The following TPH1 variants were observed in gnomAD, a reference collection of about 807,000 sequenced individuals.
The protein encoded by TPH1 is tryptophan 5-hydroxylase 1.
In TPH1, 37 loss-of-function variants were observed where a neutral mutation model predicts 49.5. That is an observed-to-expected ratio of 0.75 (90% confidence interval 0.58 to 0.98). The LOEUF (loss-of-function observed/expected upper bound fraction) is 0.98. Ranked by LOEUF, TPH1 falls within the 50% of genes least tolerant of loss-of-function variation. The pLI, the probability that TPH1 is intolerant of heterozygous loss-of-function variation, is 0.00. For synonymous variants in TPH1, 160 were observed against 182.1 expected, an observed-to-expected ratio of 0.88 and a Z score of 0.98; for missense variants, 487 against 523.6, an observed-to-expected ratio of 0.93 and a Z score of 0.68.
At chr11:18,035,524 G>C (rs1277530636) in intron 3 of TPH1, among the ~76,000 whole-genome samples, 1 of 150,836 alleles carries the variant, frequency 6.6e-6, no homozygotes, top group Non-Finnish European at 1.5e-5. Context: ...AACCTCCTGG[G>C]CTCAGGTGAT....
rs1189836788 is a variant in TPH1, at chr11:18,036,151, A to G, written c.118-9T>C. 6.2e-7 allele frequency: 1 copy of G among 1,607,614 alleles called. No individual in the cohort carries two copies. The highest frequency in any genetic ancestry group is 8.5e-7 in the Non-Finnish European group (1 of 1,175,504). On this transcript the variant is annotated splice_polypyrimidine_tract_variant and intron_variant, in intron 2 of 10. Coordinates refer to ENST00000682019, the MANE Select transcript of TPH1 (RefSeq NM_004179.3). ...AGATTCACATGCTTCTCCTGTGTAA[A>G]GCACAGGGAAAAGATTTCATGTAAC...
intron 1 of TPH1, among the ~76,000 whole-genome samples, chr11:18,044,066 G>A (rs1395077691): frequency 6.6e-6 from 1 of 151,956 alleles, no homozygotes; most frequent in African/African-American, 2.4e-5. Context: ...GAGGGTGAAG[G>A]ATACATTAAT....
At chr11:18,030,726 T>C (rs1847979797) in intron 4 of TPH1, among the ~76,000 whole-genome samples, 1 of 152,158 alleles carries the variant, frequency 6.6e-6, no homozygotes, top group African/African-American at 2.4e-5. Context: ...TTCCCAGTGA[T>C]GACTCTCGAG....
chr11:18,023,542 T>C (rs1206947151), intron 9 of TPH1, among the ~76,000 whole-genome samples: 1 of 152,092 alleles, frequency 6.6e-6, no homozygotes, highest in East Asian at 1.9e-4. Flanking sequence ...TGTGTGTGTG[T>C]ATTACTAATG....
In TPH1 at chr11:18,029,270, G is replaced by A; in HGVS notation, c.562C>T (p.His188Tyr). The change falls in exon 6 of 11, where the codon CAT (histidine) becomes TAT (tyrosine). Residue 188 changes from histidine (H) to tyrosine (Y), a missense_variant. Transcript: ENST00000682019. ...FQELNKLYPT[H>Y]ACREYLKNLP... ...TTTTTGAGATACTCTCTGCAAGCATGGGTTGGGTAGAGTTTGTTGAGCTCT... is the reference window on the plus strand; with the variant it reads ...TTTTTGAGATACTCTCTGCAAGCATAGGTTGGGTAGAGTTTGTTGAGCTCT... 1 of 1,613,900 alleles carries A rather than the reference G, an allele frequency of 6.2e-7. No individual in the cohort carries two copies. The highest frequency in any genetic ancestry group is 1.3e-5 in the African/African-American group (1 of 74,998).
rs534427096 is a variant in TPH1 at position 18,037,566 on chromosome 11, A to G, written c.118-1424T>C. ...TCATCTATTTCTTATAAATTTTTAC[A>G]TTAATAATGCATTTGTAAATATTTT... On this transcript the variant is annotated intron_variant, in intron 2 of 10. Transcript: ENST00000682019. 2.6e-5 allele frequency among the ~76,000 whole-genome samples: 4 copies of G among 152,304 alleles called. No homozygotes were observed. The South Asian group carries it at 6.2e-4, about 24-fold the overall frequency.
rs1854317884 is a variant in TPH1 at position 18,018,303 on chromosome 11, T to G, written c.*2688A>C. 1 of 152,108 alleles carries G rather than the reference T, an allele frequency of 6.6e-6. No individual in the cohort carries two copies. Among genetic ancestry groups the G allele is most frequent in the East Asian group, 1.9e-4 (1 of 5,196 alleles). The allele number at this position is 152,108 out of a possible 1,614,324, so 9.4% of individuals were successfully genotyped here. On this transcript the variant is annotated 3_prime_UTR_variant, in exon 11 of 11. Coordinates refer to ENST00000682019, the MANE Select transcript of TPH1 (RefSeq NM_004179.3). ...AAAATGCATGAAAATTCTAAGACTC[T>G]CAGGACTCCTGATTTACCAAATATT...
rs1314212589 is a variant in TPH1, at chr11:18,033,312, C to T, written c.364G>A (p.Val122Ile). The T allele has an allele frequency of 3.1e-6, 5 of 1,613,972 alleles. No homozygotes were observed. In the Admixed American group the frequency reaches 8.3e-5, roughly 27 times the overall value. Residue 122 changes from valine to isoleucine, a missense_variant, in exon 4 of 11, where the codon GTT becomes ATT. Transcript: ENST00000682019. ...ISDLDHCANRVLMYGSELDAD... is the reference protein window; with the variant it reads ...ISDLDHCANRILMYGSELDAD... ...TCTAGTTCAGATCCATACATCAGAA[C>T]TCTGTTGGCACAATGGTCCAGGTCA...
intron 2 of TPH1, among the ~76,000 whole-genome samples, chr11:18,037,705 T>C (rs556301072): frequency 7.3e-4 from 111 of 152,264 alleles, no homozygotes; most frequent in African/African-American, 2.4e-3. Flanking sequence ...GGTGAGGAAA[T>C]GTAATTAAAT....
chr11:18,031,164 C>A (rs138698447), intron 4 of TPH1, among the ~76,000 whole-genome samples: 222 of 152,282 alleles, frequency 1.5e-3, no homozygotes, highest in African/African-American at 3.9e-3. Context: ...AATCCACTGT[C>A]TATTTCTATG....
intron 2 of TPH1, 96 bp from the exon 3 acceptor site, chr11:18,036,238 C>T: frequency 3.3e-6 from 3 of 918,538 alleles, no homozygotes; most frequent in Non-Finnish European, 5.2e-6. Flanking sequence ...ATCAGATTCA[C>T]ACTTCTCAGA....
chr11:18,044,592 T>G (rs1257684704), intron 1 of TPH1, among the ~76,000 whole-genome samples: 1 of 152,016 alleles, frequency 6.6e-6, no homozygotes, highest in Non-Finnish European at 1.5e-5. Context: ...TGATCGTTAC[T>G]AAAACTTGGC....
chr11:18,038,619 G>A lies in TPH1; in HGVS notation c.117+2027C>T, dbSNP rs553847138. On this transcript the variant is annotated intron_variant, in intron 2 of 10. Transcript: ENST00000682019. ...ACAAATCAACGATGATAGTGTACAC[G>A]TGATTTAATGAGTGTGATTAACTCA... 2.6e-5 allele frequency among the ~76,000 whole-genome samples: 4 copies of A among 152,288 alleles called. No individual in the cohort carries two copies. In the South Asian group the frequency reaches 6.2e-4, roughly 24 times the overall value.
rs867324727 is a variant in TPH1 at position 18,045,482 on chromosome 11, C to T, written c.-27+759G>A. On this transcript the variant is annotated intron_variant, in intron 1 of 10. Coordinates refer to ENST00000682019, the MANE Select transcript of TPH1 (RefSeq NM_004179.3). Reference sequence around the variant, plus strand: ...ATTGATATTAGAATTCCACCCCCCCCTTTTTTTTTTAACTAACAGGCACAA... The same window carrying T: ...ATTGATATTAGAATTCCACCCCCCCTTTTTTTTTTTAACTAACAGGCACAA... Among the ~76,000 whole-genome samples, 545 of 149,248 alleles carry T rather than the reference C, an allele frequency of 3.7e-3. 2 individuals are homozygous for T. The highest frequency in any genetic ancestry group is 0.012 in the African/African-American group (503 of 40,400).
At position 18,020,995 on chromosome 11, in the gene TPH1, A is replaced by G. The variant is rs1245434848; in HGVS notation, c.1331T>C (p.Ile444Thr). The change falls in exon 11 of 11, where the codon ATC becomes ACC. Residue 444 changes from isoleucine (I) to threonine (T), a missense_variant. Physicochemically the swap from Ile to Thr is moderately conservative, Grantham distance 89. Transcript: ENST00000682019. Reference sequence around the variant, plus strand: ...TTCCTGGATGACTGGCTACTGTTAGATACTCGGCTTCCTGCTGACCTTAGC... The same window carrying G: ...TTCCTGGATGACTGGCTACTGTTAGGTACTCGGCTTCCTGCTGACCTTAGC... Reference protein sequence around the residue: ...ALAKVSRKPSI With the variant: ...ALAKVSRKPST The G allele has an allele frequency of 1.2e-6, 2 of 1,613,922 alleles. No individual in the cohort carries two copies. Among genetic ancestry groups the G allele is most frequent in the Admixed American group, 1.7e-5 (1 of 60,016 alleles).
chr11:18,030,818 C>T (rs1847980392), intron 4 of TPH1, among the ~76,000 whole-genome samples: 1 of 152,116 alleles, frequency 6.6e-6, no homozygotes, highest in Non-Finnish European at 1.5e-5. Flanking sequence ...CATGTTGTGC[C>T]TAAGAAAATA....
rs1247890624 is a variant in TPH1, at chr11:18,019,478, C to T, written c.*1513G>A. On this transcript the variant is annotated 3_prime_UTR_variant, in exon 11 of 11. Transcript: ENST00000682019. ...GCAGGGCTGTCATATTGAACAACCC[C>T]TATTCATTCTATGTGGATGATGCCA... The T allele has an allele frequency of 8.2e-6, 3 of 364,192 alleles. No individual in the cohort carries two copies. Among genetic ancestry groups the T allele is most frequent in the Non-Finnish European group, 1.6e-5 (3 of 186,958 alleles). The allele number at this position is 364,192 out of a possible 1,614,324, so 22.6% of individuals were successfully genotyped here.
At chr11:18,038,621 G>A (rs1476828072) in intron 2 of TPH1, among the ~76,000 whole-genome samples, 20 of 152,146 alleles carry the variant, frequency 1.3e-4, no homozygotes, top group Non-Finnish European at 2.9e-5. Context: ...GTGTACACGT[G>A]ATTTAATGAG....
chr11:18,029,213 G>C lies in TPH1; in HGVS notation c.619C>G (p.Arg207Gly). 1 of 1,613,494 alleles carries C rather than the reference G, an allele frequency of 6.2e-7. No individual in the cohort carries two copies. Among genetic ancestry groups the C allele is most frequent in the Non-Finnish European group, 8.5e-7 (1 of 1,179,780 alleles). The change falls in exon 6 of 11, where the codon CGG (arginine) becomes GGG (glycine). Residue 207 changes from arginine (R) to glycine (G), a missense_variant. Physicochemically the swap from Arg to Gly is moderately radical, Grantham distance 125. Coordinates refer to ENST00000682019, the MANE Select transcript of TPH1 (RefSeq NM_004179.3). The stretch of plus-strand genomic sequence containing the variant: ...TCCAATTGTGGGATATTATCCTCCC[G>C]ATATCCACAATATTTAGAAAGCAAA... ...LPLLSKYCGY[R>G]EDNIPQLEDV...
Sources: gnomAD v4.1 joint callset for allele counts (sites outside exome capture counted in the v4.1 genomes callset) on GRCh38, gnomAD v4.1.1 for gene constraint, MANE v1.5 for transcripts, NCBI Gene and HGNC (gene_info 2026-07-23, HGNC 2026-07-21) for gene names.